CSMD3: variants seen among roughly 807,000 people sequenced by gnomAD.
CSMD3 encodes the protein CUB and Sushi multiple domains 3, also known as CUB and sushi domain-containing protein 3.
A neutral mutation model predicts 435.2 loss-of-function variants in CSMD3; 177 were observed. The ratio of observed to expected loss-of-function variants is 0.41; its 90% CI spans 0.36 to 0.46. CSMD3 has a LOEUF of 0.46. Among genes scored for constraint, CSMD3 ranks in the 20% least tolerant of loss-of-function variants. The pLI is 0.34. For missense variants in CSMD3, 4,265 were observed against 4,504.6 expected (o/e 0.95, Z 1.52); for synonymous variants, 1,656 against 1,520.5 (o/e 1.09, Z -2.07).
chr8:113,018,827 C>T (rs1187264739), intron 6 of CSMD3: 2 of 511,566 alleles, frequency 3.9e-6, no homozygotes, highest in South Asian at 2.4e-5. Context: ...GCATCTGCTA[C>T]ATACTACCTT....
intron 38 of CSMD3, among the ~76,000 whole-genome samples, chr8:112,353,124 T>G (rs942906421): frequency 1.1e-4 from 16 of 152,080 alleles, no homozygotes; most frequent in African/African-American, 3.4e-4. Flanking sequence ...AGTGCGGTGG[T>G]TCATGCCTGT....
At chr8:112,450,269 A>T (rs1321075369) in intron 32 of CSMD3, among the ~76,000 whole-genome samples, 1 of 152,186 alleles carries the variant, frequency 6.6e-6, no homozygotes, top group Non-Finnish European at 1.5e-5. Flanking sequence ...TAAGAACCAT[A>T]CTATCAAAGG....
intron 13 of CSMD3, among the ~76,000 whole-genome samples, chr8:112,779,422 T>C (rs1397268283): frequency 1.3e-5 from 2 of 152,070 alleles, no homozygotes; most frequent in Non-Finnish European, 2.9e-5. Context: ...AAAATAGTTG[T>C]ACAATTAAAA....
chr8:113,381,054 T>C (rs2094413044), intron 1 of CSMD3, among the ~76,000 whole-genome samples: 1 of 152,186 alleles, frequency 6.6e-6, no homozygotes, highest in African/African-American at 2.4e-5. Context: ...AATGCCAAGC[T>C]CGCACAATGT....
intron 13 of CSMD3, among the ~76,000 whole-genome samples, chr8:112,748,764 A>G (rs907990594): frequency 2.0e-5 from 3 of 152,114 alleles, no homozygotes; most frequent in African/African-American, 7.2e-5. Context: ...AGTTGATTCC[A>G]TGTCTTTACT....
At position 112,573,794 on chromosome 8, in the gene CSMD3, T is replaced by G. The variant is rs1223948228; in HGVS notation, c.3886-137A>C. The G allele has an allele frequency of 4.5e-6, 3 of 666,318 alleles. No individual in the cohort carries two copies. In the East Asian group the frequency reaches 8.2e-5, roughly 18 times the overall value. The allele number at this position is 666,318 out of a possible 1,614,324, so 41.3% of individuals were successfully genotyped here. On this transcript the variant is annotated intron_variant, in intron 23 of 70. Coordinates refer to ENST00000297405, the MANE Select transcript of CSMD3 (RefSeq NM_198123.2). Reference sequence around the variant, plus strand: ...TACATTTCCAAAGGGCAACTAAATATATTGGTTTCTATGAACACAAGGTTA... The same window carrying G: ...TACATTTCCAAAGGGCAACTAAATAGATTGGTTTCTATGAACACAAGGTTA...
chr8:112,261,136 C>T (rs2130351333), intron 61 of CSMD3, among the ~76,000 whole-genome samples: 1 of 152,058 alleles, frequency 6.6e-6, no homozygotes, highest in East Asian at 1.9e-4. Flanking sequence ...AGCAAAATAG[C>T]CATATGCATG....
chr8:113,126,513 A>T (rs575584821), intron 4 of CSMD3, among the ~76,000 whole-genome samples: 1 of 152,186 alleles, frequency 6.6e-6, no homozygotes, highest in Admixed American at 6.6e-5. Flanking sequence ...ATGTTAAAAG[A>T]ATAGACAACA....
At chr8:113,385,033 C>T (rs140882476) in intron 1 of CSMD3, among the ~76,000 whole-genome samples, 3 of 152,184 alleles carry the variant, frequency 2.0e-5, no homozygotes, top group Admixed American at 6.6e-5. Context: ...GAGTTATCAG[C>T]CTGTGAAAAA....
intron 2 of CSMD3, among the ~76,000 whole-genome samples, chr8:113,284,007 A>G (rs2093629350): frequency 6.6e-6 from 1 of 152,144 alleles, no homozygotes; most frequent in African/African-American, 2.4e-5. Flanking sequence ...AACATCATGT[A>G]GTCTCACTAA....
At chr8:112,241,809 T>TA (rs758890518) in intron 65 of CSMD3, 24 bp from the exon 66 acceptor site, 17 of 1,551,040 alleles carry the variant, frequency 1.1e-5, no homozygotes, top group Non-Finnish European at 1.5e-5. Flanking sequence ...TAAAGGTGTT[T>TA]ACAAAAGTTG....
intron 1 of CSMD3, among the ~76,000 whole-genome samples, chr8:113,418,580 T>C (rs1198189196): frequency 6.6e-6 from 1 of 152,102 alleles, no homozygotes; most frequent in African/African-American, 2.4e-5. Context: ...TACACATACA[T>C]GCAATAACAA....
At chr8:113,306,395 G>T (rs1366166651) in intron 2 of CSMD3, among the ~76,000 whole-genome samples, 3 of 152,132 alleles carry the variant, frequency 2.0e-5, no homozygotes, top group Non-Finnish European at 4.4e-5. Context: ...TGGAGATAGA[G>T]ACATGCGAGA....
At chr8:113,435,870 C>T (rs1206962128) in intron 1 of CSMD3, among the ~76,000 whole-genome samples, 1 of 152,062 alleles carries the variant, frequency 6.6e-6, no homozygotes, top group Non-Finnish European at 1.5e-5. Flanking sequence ...CTGACTGTCC[C>T]TTGCCTTCCT....
At chr8:112,625,438 C>G (rs558841539) in intron 22 of CSMD3, among the ~76,000 whole-genome samples, 1 of 152,102 alleles carries the variant, frequency 6.6e-6, no homozygotes, top group South Asian at 2.1e-4. Flanking sequence ...AAATAGTGAT[C>G]AGATTCAATT....
chr8:112,339,213 T>C (rs1020882557), intron 42 of CSMD3, among the ~76,000 whole-genome samples: 2 of 152,062 alleles, frequency 1.3e-5, no homozygotes, highest in South Asian at 2.1e-4. Context: ...AGTATAACTT[T>C]GTAACTTCAC....
At chr8:112,888,283 A>G (rs1437882423) in intron 10 of CSMD3, among the ~76,000 whole-genome samples, 1 of 151,656 alleles carries the variant, frequency 6.6e-6, no homozygotes, top group East Asian at 2.0e-4. Flanking sequence ...ATGTTCCTCA[A>G]GCACGGATAA....
intron 1 of CSMD3, among the ~76,000 whole-genome samples, chr8:113,421,138 A>G (rs1050992653): frequency 4.6e-5 from 7 of 152,194 alleles, no homozygotes; most frequent in Non-Finnish European, 8.8e-5. Context: ...CAAATTTCTG[A>G]GACCAAAAGG....
At chr8:113,337,348 T>G (rs2094084257) in intron 1 of CSMD3, among the ~76,000 whole-genome samples, 1 of 152,102 alleles carries the variant, frequency 6.6e-6, no homozygotes, top group Non-Finnish European at 1.5e-5. Flanking sequence ...AGAGCAAGTC[T>G]GGCCACAGAT....
Sources: allele counts gnomAD v4.1 joint callset (sites outside exome capture counted in the v4.1 genomes callset), GRCh38; gene constraint gnomAD v4.1.1; transcripts MANE v1.5; gene names NCBI Gene and HGNC (gene_info 2026-07-23, HGNC 2026-07-21).